Variants in KLHL22 observed in about 807,000 individuals in gnomAD.
KLHL22 encodes the protein kelch like family member 22, also known as kelch-like protein 22.
A neutral mutation model predicts 60.7 loss-of-function variants in KLHL22; 18 were observed. The observed-to-expected ratio is 0.30, with a 90% CI of 0.20 to 0.44. The LOEUF is 0.44. Among genes scored for constraint, KLHL22 ranks in the 20% least tolerant of loss-of-function variants. KLHL22 has a pLI of 1.00. For missense variants in KLHL22, 596 were observed against 852.3 expected, an observed-to-expected ratio of 0.70 and a Z score of 3.74; for synonymous variants, 355 against 354.5, an observed-to-expected ratio of 1.00 and a Z score of -0.01.
intron 2 of KLHL22, among the ~76,000 whole-genome samples, chr22:20,479,517 C>G (rs376775332): frequency 2.6e-5 from 4 of 151,812 alleles, no homozygotes; most frequent in African/African-American, 9.7e-5. Flanking sequence ...GCCTGGGAAA[C>G]ATAGTAAGAT....
chr22:20,457,680 A>G (rs933783049), intron 5 of KLHL22, 128 bp downstream of exon 5: 1 of 699,948 alleles, frequency 1.4e-6, no homozygotes, highest in South Asian at 1.9e-5. Context: ...CTGGAGAAGC[A>G]TGGATTCTGC....
At chr22:20,489,728 G>A (rs1036954187) in intron 1 of KLHL22, 1 of 471,060 alleles carries the variant, frequency 2.1e-6, no homozygotes, top group African/African-American at 2.0e-5. Flanking sequence ...ACAAAATTGG[G>A]TTCTTCCTCA....
At chr22:20,466,924 G>C (rs2053245809) in intron 3 of KLHL22, among the ~76,000 whole-genome samples, 1 of 152,238 alleles carries the variant, frequency 6.6e-6, no homozygotes, top group East Asian at 1.9e-4. Flanking sequence ...ACTGGAGGGA[G>C]GTGGGAACAA....
At chr22:20,460,161 T>C (rs1455766469) in intron 4 of KLHL22, among the ~76,000 whole-genome samples, 3 of 152,192 alleles carry the variant, frequency 2.0e-5, no homozygotes, top group African/African-American at 7.2e-5. Flanking sequence ...CTCTCCTCTC[T>C]TGTGTTCAGT....
Position 20,475,694 on chromosome 22 carries a change from G to T in KLHL22, c.228-4179C>A, listed in dbSNP as rs367864373. ...CTCCTGCCTCCCAGCCTCCCGAGTG[G>T]CTGGGATTACAGGCATGTACCACCA... On this transcript the variant is annotated intron_variant, in intron 2 of 6. Transcript: ENST00000328879. Among the ~76,000 whole-genome samples the T allele has an allele frequency of 9.9e-5, 15 of 152,132 alleles. No individual in the cohort carries two copies. In the East Asian group the frequency reaches 2.3e-3, roughly 24 times the overall value.
chr22:20,451,755 C>G (rs2052983192), intron 5 of KLHL22: 1 of 1,576,088 alleles, frequency 6.3e-7, no homozygotes, highest in Non-Finnish European at 8.7e-7. Flanking sequence ...TCATCAACAG[C>G]TGGGAAGTCG....
At chr22:20,443,884 C>T (rs186383064) in intron 6 of KLHL22, among the ~76,000 whole-genome samples, 5 of 152,068 alleles carry the variant, frequency 3.3e-5, no homozygotes, top group Admixed American at 2.6e-4. Context: ...CCCGTCTCTA[C>T]TAAAAATAGA....
intron 5 of KLHL22, chr22:20,451,310 G>A (rs530473249): frequency 6.2e-6 from 10 of 1,607,466 alleles, no homozygotes; most frequent in Admixed American, 3.3e-5. Context: ...AGTATGGAGC[G>A]GTATGATCCA....
chr22:20,453,496 C>T (rs2053012802), intron 5 of KLHL22, among the ~76,000 whole-genome samples: 1 of 152,164 alleles, frequency 6.6e-6, no homozygotes, highest in Non-Finnish European at 1.5e-5. Context: ...GTTTTCCATT[C>T]TGTTTCACTG....
At position 20,465,780 on chromosome 22, in the gene KLHL22, T is replaced by C. The variant is rs573762993; in HGVS notation, c.394-204A>G. On this transcript the variant is annotated intron_variant, in intron 3 of 6. Transcript: ENST00000328879. This position sits in a 1 kb window ranked among gnomAD's most constrained non-coding sequence, Gnocchi z 4.9. The stretch of plus-strand genomic sequence containing the variant: ...TTTAAGTCCTGGTTTGGAAACATAC[T>C]GGGTGACAGGATATACAGCATGTTT... Among the ~76,000 whole-genome samples, 50 of 152,258 alleles carry C rather than the reference T, an allele frequency of 3.3e-4. No homozygotes were observed. Among genetic ancestry groups the C allele is most frequent in the Non-Finnish European group, 5.4e-4 (37 of 67,994 alleles).
At chr22:20,451,216 G>A (rs2052972305) in intron 5 of KLHL22, 1 of 1,598,606 alleles carries the variant, frequency 6.3e-7, no homozygotes. Flanking sequence ...CCCTATGAAT[G>A]TCTGATGAGG....
intron 2 of KLHL22, among the ~76,000 whole-genome samples, chr22:20,486,887 G>C (rs1158495049): frequency 6.6e-6 from 1 of 151,752 alleles, no homozygotes; most frequent in Non-Finnish European, 1.5e-5. Flanking sequence ...TGCCATGTGG[G>C]TCAGGCTGGT....
Position 20,463,669 on chromosome 22 carries a change from A to G in KLHL22, c.1112+1189T>C, listed in dbSNP as rs144720401. Among the ~76,000 whole-genome samples the G allele has an allele frequency of 4.6e-5, 7 of 152,364 alleles. No individual in the cohort carries two copies. In the East Asian group the frequency reaches 1.3e-3, roughly 29 times the overall value. The stretch of plus-strand genomic sequence containing the variant: ...GTCTAAACCTAGTGTGGCCACACCC[A>G]CTGGGGGCACAACTTTGTTTAGAGA... On this transcript the variant is annotated intron_variant, in intron 4 of 6. Transcript: ENST00000328879.
chr22:20,488,324 C>T (rs1028974895), intron 2 of KLHL22, among the ~76,000 whole-genome samples: 1 of 152,206 alleles, frequency 6.6e-6, no homozygotes, highest in African/African-American at 2.4e-5. Context: ...AGGGTGGTGA[C>T]ACCCACCTCC....
At chr22:20,477,505 C>T (rs2053433829) in intron 2 of KLHL22, among the ~76,000 whole-genome samples, 1 of 152,062 alleles carries the variant, frequency 6.6e-6, no homozygotes, top group Non-Finnish European at 1.5e-5. Flanking sequence ...ATTTGAAATG[C>T]TGAGGTGGGA....
chr22:20,483,586 A>C, intron 2 of KLHL22: 1 of 727,244 alleles, frequency 1.4e-6, no homozygotes, highest in East Asian at 2.6e-5. Context: ...AGACTAGTGC[A>C]TGGGCAGTTC....
chr22:20,449,976 G>A, intron 5 of KLHL22: 6 of 553,828 alleles, frequency 1.1e-5, no homozygotes, highest in South Asian at 1.0e-4. Flanking sequence ...CGGCGGCGAC[G>A]CTTCGGCTCC....
chr22:20,488,963 C>T lies in KLHL22; in HGVS notation c.227+22G>A, dbSNP rs1220255585. On this transcript the variant is annotated intron_variant, in intron 2 of 6. Transcript: ENST00000328879. ...AGGATTACCTTTGTTATTCTTCTTA[C>T]AAACAGCTCTAGTGAACTCACCTGA... 1.9e-6 allele frequency: 3 copies of T among 1,608,750 alleles called. No homozygotes were observed. The African/African-American group carries it at 4.0e-5, about 21-fold the overall frequency.
rs567040667 is a variant in KLHL22, at chr22:20,485,781, T to G, written c.227+3204A>C. On this transcript the variant is annotated intron_variant, in intron 2 of 6. Coordinates refer to ENST00000328879, the MANE Select transcript of KLHL22 (RefSeq NM_032775.4). ...TACTCAGGAGGCTGAGGCAGGAGAA[T>G]CACTTGAACCCGGGAGGCAGAGGTT... Among the ~76,000 whole-genome samples, 4 of 151,940 alleles carry G rather than the reference T, an allele frequency of 2.6e-5. No homozygotes were observed. The East Asian group carries it at 7.8e-4, about 30-fold the overall frequency.
Sources: allele counts gnomAD v4.1 joint callset (sites outside exome capture counted in the v4.1 genomes callset), GRCh38; gene constraint gnomAD v4.1.1; non-coding constraint Gnocchi (gnomAD v3.1); transcripts MANE v1.5; gene names NCBI Gene and HGNC (gene_info 2026-07-23, HGNC 2026-07-21).